Variants in POLR2C observed in about 807,000 individuals in gnomAD.
POLR2C encodes the protein RNA polymerase II subunit C.
A neutral mutation model predicts 41.7 loss-of-function variants in POLR2C; 36 were observed. The ratio of observed to expected loss-of-function variants is 0.86; its 90% confidence interval spans 0.66 to 1.14. The LOEUF (loss-of-function observed/expected upper bound fraction) is 1.14, where lower values mean the gene tolerates loss of function less well. Among genes scored for constraint, POLR2C ranks in the 50% most tolerant of loss-of-function variants. The pLI, the probability that POLR2C is intolerant of heterozygous loss-of-function variation, is 0.00. For missense variants in POLR2C, 260 were observed against 350.4 expected (o/e 0.74, Z 2.06); for synonymous variants, 133 against 137.8 (o/e 0.96, Z 0.25).
intron 4 of POLR2C, among the ~76,000 whole-genome samples, chr16:57,468,172 CA>C (rs1172346749): frequency 1.3e-5 from 2 of 152,132 alleles, no homozygotes; most frequent in African/African-American, 4.8e-5. Flanking sequence ...CCACCACACC[CA>C]AAAAATACAA....
intron 2 of POLR2C, among the ~76,000 whole-genome samples, chr16:57,464,258 T>C (rs754384013): frequency 6.6e-6 from 1 of 152,216 alleles, no homozygotes; most frequent in Non-Finnish European, 1.5e-5. Flanking sequence ...GTGGCAGGCA[T>C]GGTGGTAAGC....
In POLR2C at chr16:57,466,194, T is replaced by C; in HGVS notation, c.225T>C (p.Ser75=). 1 of 1,601,820 alleles carries C rather than the reference T, an allele frequency of 6.2e-7. No individual in the cohort carries two copies. The highest frequency in any genetic ancestry group is 8.5e-7 in the Non-Finnish European group (1 of 1,174,446). ...AHRLGLIPLI[S]DDIVDKLQYS... ...TTACAGGATTAATTCCCCTCATTAG[T>C]GATGACATTGTGGACAAGCTGCAGT... The change falls in exon 4 of 9, where the codon AGT becomes AGC. Residue 75 remains serine, a synonymous_variant. Coordinates refer to ENST00000219252, the MANE Select transcript of POLR2C (RefSeq NM_032940.3).
In POLR2C at chr16:57,470,988, G is replaced by C; in HGVS notation, c.697G>C (p.Val233Leu). 6.2e-7 allele frequency: 1 copy of C among 1,614,126 alleles called. No homozygotes were observed. The highest frequency in any genetic ancestry group is 2.2e-5 in the East Asian group (1 of 44,888). Residue 233 changes from valine to leucine, a missense_variant, in exon 9 of 9, where the codon GTG becomes CTG. Transcript: ENST00000219252. ...NGKPERFYYN[V>L]ESCGSLRPET... The stretch of plus-strand genomic sequence containing the variant: ...CTTGCCTCCTAGGTTTTACTACAAT[G>C]TGGAGTCCTGTGGCTCTCTGCGTCC...
At position 57,469,402 on chromosome 16, in the gene POLR2C, T is replaced by A; in HGVS notation, c.387+109T>A. 8.2e-7 allele frequency: 1 copy of A among 1,224,760 alleles called. No homozygotes were observed. Among genetic ancestry groups the A allele is most frequent in the Non-Finnish European group, 1.2e-6 (1 of 833,416 alleles). 75.9% of individuals were successfully genotyped at this position (1,224,760 alleles called of 1,614,324 possible). On this transcript the variant is annotated intron_variant, in intron 5 of 8. Transcript: ENST00000219252. The surrounding 1 kb of genome is among the most constrained non-coding windows in gnomAD (Gnocchi z 5.8). ...CTTAGAAAATGTTGGCTTTCCCTGT[T>A]ACCCTCTGCCTTAATCTGATCCCTA...
Position 57,470,121 on chromosome 16 carries a change from C to G in POLR2C, c.600C>G (p.Pro200=). 6.2e-7 allele frequency: 1 copy of G among 1,613,436 alleles called. No homozygotes were observed. Among genetic ancestry groups the G allele is most frequent in the South Asian group, 1.1e-5 (1 of 90,998 alleles). The change falls in exon 7 of 9, where the codon CCC becomes CCG. Residue 200 remains proline (P), a synonymous_variant. Transcript: ENST00000219252. ...NALRHTVYPK[P]EEWPKSEYSE... is the part of the protein sequence containing the mutation. ...TGAGGCACACAGTGTACCCCAAGCC[C>G]GAGGAATGGTATGTTCCCCTTAGGA...
chr16:57,470,163 G>A (rs1315845645), intron 7 of POLR2C, 34 bp downstream of exon 7: 2 of 1,603,472 alleles, frequency 1.2e-6, no homozygotes, highest in African/African-American at 1.4e-5. Context: ...GCAGGCATTT[G>A]GGGTGGGTGT....
chr16:57,464,789 T>A (rs2030663530), intron 2 of POLR2C, among the ~76,000 whole-genome samples: 1 of 151,826 alleles, frequency 6.6e-6, no homozygotes, highest in Non-Finnish European at 1.5e-5. Flanking sequence ...TACTTCATGA[T>A]GCAGCCCTGC....
chr16:57,467,981 T>C (rs1425017304), intron 4 of POLR2C, among the ~76,000 whole-genome samples: 1 of 152,124 alleles, frequency 6.6e-6, no homozygotes, highest in African/African-American at 2.4e-5. Flanking sequence ...TTATCTTCCA[T>C]TACATTTTGA....
chr16:57,467,273 G>T (rs1233188285), intron 4 of POLR2C, among the ~76,000 whole-genome samples: 9 of 152,242 alleles, frequency 5.9e-5, no homozygotes, highest in Non-Finnish European at 1.3e-4. Context: ...CATGGAGCTA[G>T]TGTAATAAAT....
chr16:57,471,217 ACTGTT>A lies in POLR2C; in HGVS notation c.*99_*103del. ...CTTCTCGTTTCTGAGAATCTAGTCTACTGTTGGTTGAGCTTCTTGGCAGGACATCA... is the reference window on the plus strand; with the variant it reads ...CTTCTCGTTTCTGAGAATCTAGTCTAGGTTGAGCTTCTTGGCAGGACATCA... On this transcript the variant is annotated 3_prime_UTR_variant, in exon 9 of 9. Transcript: ENST00000219252. The A allele has an allele frequency of 9.2e-7, 1 of 1,082,064 alleles. No homozygotes were observed. Among genetic ancestry groups the A allele is most frequent in the Non-Finnish European group, 1.4e-6 (1 of 724,304 alleles). 67.0% of individuals were successfully genotyped at this position (1,082,064 alleles called of 1,614,324 possible). A position where few individuals can be genotyped will look rare whatever the true frequency, so the allele number is the denominator to read the frequency against.
At chr16:57,466,113 CT>C in intron 3 of POLR2C, 61 bp from the exon 4 acceptor site, 2 of 1,478,532 alleles carry the variant, frequency 1.4e-6, no homozygotes, top group Admixed American at 3.4e-5. Context: ...CAGAAGGCTT[CT>C]GGGTTCTCAT....
chr16:57,467,837 T>G (rs1489497284), intron 4 of POLR2C, among the ~76,000 whole-genome samples: 1 of 152,216 alleles, frequency 6.6e-6, no homozygotes, highest in Non-Finnish European at 1.5e-5. Context: ...TTATTGTTTT[T>G]CTGTTTGTTT....
At chr16:57,468,508 G>A (rs1209112316) in intron 4 of POLR2C, among the ~76,000 whole-genome samples, 4 of 152,196 alleles carry the variant, frequency 2.6e-5, no homozygotes, top group Non-Finnish European at 5.9e-5. Context: ...TTGCATCCTA[G>A]TAACTGTCTT....
At position 57,465,998 on chromosome 16, in the gene POLR2C, A is replaced by G; in HGVS notation, c.182A>G (p.Asp61Gly). ...GATGCCAATTCCTCAGTTCTTCATG[A>G]TGAATTCATTGCTCACAGGCTTGGT... ...QIDANSSVLH[D>G]EFIAHRLGLI... Residue 61 changes from aspartate to glycine, a missense_variant, in exon 3 of 9, where the codon GAT (aspartate) becomes GGT (glycine). Coordinates refer to ENST00000219252, the MANE Select transcript of POLR2C (RefSeq NM_032940.3). 2 of 1,600,344 alleles carry G rather than the reference A, an allele frequency of 1.2e-6. No homozygotes were observed. The highest frequency in any genetic ancestry group is 1.1e-5 in the South Asian group (1 of 90,768).
rs1321306100 is a variant in POLR2C, at chr16:57,469,980, G to T, written c.459G>T (p.Leu153Phe). The T allele has an allele frequency of 1.2e-6, 2 of 1,613,906 alleles. No homozygotes were observed. The highest frequency in any genetic ancestry group is 3.3e-5 in the Admixed American group (2 of 60,004). Residue 153 changes from leucine (L) to phenylalanine (F), a missense_variant, in exon 7 of 9, where the codon TTG becomes TTT. Coordinates refer to ENST00000219252, the MANE Select transcript of POLR2C (RefSeq NM_032940.3). The surrounding 1 kb of genome is among the most constrained non-coding windows in gnomAD (Gnocchi z 5.8). Reference protein sequence around the residue: ...VEQDDILIVKLRKGQELRLRA... With the variant: ...VEQDDILIVKFRKGQELRLRA... ...CTGCAGACATCCTCATCGTCAAGTT[G>T]AGAAAGGGCCAGGAGCTGAGACTTC...
At chr16:57,466,448 C>T (rs1409171859) in intron 4 of POLR2C, among the ~76,000 whole-genome samples, 1 of 152,192 alleles carries the variant, frequency 6.6e-6, no homozygotes, top group Admixed American at 6.5e-5. Context: ...TAGGCAGCTC[C>T]ACCACAGTGC....
At chr16:57,462,879 AGGGGGCGGGG>A in intron 1 of POLR2C, 69 bp downstream of exon 1, 2 of 263,998 alleles carry the variant, frequency 7.6e-6, no homozygotes, top group African/African-American at 1.6e-4. Context: ...GCCCCGGGGC[AGGGGGCGGGG>A]GTGTAGTGGG....
In POLR2C at chr16:57,471,190, C is replaced by T; in HGVS notation, c.*71C>T. ...CTGGATATGGGGGTCTCTCTTCAGA[C>T]TCTTCTCGTTTCTGAGAATCTAGTC... On this transcript the variant is annotated 3_prime_UTR_variant, in exon 9 of 9. Coordinates refer to ENST00000219252, the MANE Select transcript of POLR2C (RefSeq NM_032940.3). 1 of 1,329,068 alleles carries T rather than the reference C, an allele frequency of 7.5e-7. No individual in the cohort carries two copies. Among genetic ancestry groups the T allele is most frequent in the Non-Finnish European group, 1.1e-6 (1 of 931,060 alleles). The allele number at this position is 1,329,068 out of a possible 1,614,324, so 82.3% of individuals were successfully genotyped here. A position where few individuals can be genotyped will look rare whatever the true frequency, so the allele number is the denominator to read the frequency against.
In POLR2C at chr16:57,469,044, C is replaced by G; in HGVS notation, c.259-121C>G. The G allele has an allele frequency of 2.2e-6, 2 of 922,800 alleles. No homozygotes were observed. Among genetic ancestry groups the G allele is most frequent in the Non-Finnish European group, 3.3e-6 (2 of 601,982 alleles). 57.2% of individuals were successfully genotyped at this position (922,800 alleles called of 1,614,324 possible). On this transcript the variant is annotated intron_variant, in intron 4 of 8. Transcript: ENST00000219252. This position sits in a 1 kb window ranked among gnomAD's most constrained non-coding sequence, Gnocchi z 5.8. ...CACAAGAACCTGGATACTGATGAAC[C>G]CCTTTTTACAGGTGAAGAAACTTAA...
Sources: gnomAD v4.1 joint callset for allele counts (sites outside exome capture counted in the v4.1 genomes callset) on GRCh38, gnomAD v4.1.1 for gene constraint, Gnocchi (gnomAD v3.1) non-coding constraint, MANE v1.5 for transcripts, NCBI Gene and HGNC (gene_info 2026-07-23, HGNC 2026-07-21) for gene names.